CELF4: variants seen among roughly 807,000 people sequenced by gnomAD.
The protein encoded by CELF4 is CUGBP Elav-like family member 4.
In CELF4, 18 loss-of-function variants were observed where a neutral mutation model predicts 59.9. That is an observed-to-expected ratio of 0.30 (90% CI 0.21 to 0.45). The LOEUF (loss-of-function observed/expected upper bound fraction) is 0.45, where lower values mean the gene tolerates loss of function less well. Ranked by LOEUF, CELF4 falls within the 20% of genes least tolerant of loss-of-function variation. CELF4 has a pLI of 1.00. For missense variants in CELF4, 456 were observed against 689.0 expected (o/e 0.66, Z 3.79); for synonymous variants, 261 against 267.1 (o/e 0.98, Z 0.22).
intron 3 of CELF4, among the ~76,000 whole-genome samples, chr18:37,295,385 G>C (rs1312006167): frequency 3.3e-5 from 5 of 152,206 alleles, no homozygotes; most frequent in East Asian, 3.9e-4. Flanking sequence ...ATTATGGGTG[G>C]CAGGTAGATA....
At chr18:37,525,501 T>G (rs2099962846) in intron 1 of CELF4, among the ~76,000 whole-genome samples, 1 of 151,494 alleles carries the variant, frequency 6.6e-6, no homozygotes, top group Admixed American at 6.6e-5. Flanking sequence ...GTGGCTAGGT[T>G]TGCGCTGTAG....
chr18:37,434,814 C>T (rs1453611022), intron 2 of CELF4, among the ~76,000 whole-genome samples: 3 of 152,136 alleles, frequency 2.0e-5, no homozygotes, highest in African/African-American at 7.2e-5. Context: ...CCCAAGTCCT[C>T]CCAGTGTTTG....
chr18:37,398,319 G>A (rs1037709125), intron 2 of CELF4, among the ~76,000 whole-genome samples: 3 of 152,248 alleles, frequency 2.0e-5, no homozygotes, highest in Non-Finnish European at 2.9e-5. Flanking sequence ...TGAAAGTCCT[G>A]TCCTGGGAGG....
At chr18:37,421,959 C>T (rs533867435) in intron 2 of CELF4, among the ~76,000 whole-genome samples, 26 of 152,360 alleles carry the variant, frequency 1.7e-4, no homozygotes, top group Non-Finnish European at 2.9e-4. Flanking sequence ...TGAGCAAACA[C>T]GGAGAAAAGA....
intron 2 of CELF4, among the ~76,000 whole-genome samples, chr18:37,387,430 C>T (rs917861145): frequency 6.6e-6 from 1 of 152,222 alleles, no homozygotes; most frequent in Non-Finnish European, 1.5e-5. Context: ...CTTCCTTGAC[C>T]TCCAGCGCCC....
At chr18:37,267,679 A>G (rs933427590) in intron 8 of CELF4, among the ~76,000 whole-genome samples, 2 of 152,160 alleles carry the variant, frequency 1.3e-5, no homozygotes, top group African/African-American at 4.8e-5. Flanking sequence ...TAGTCTAGGG[A>G]GAGTGCCTCA....
intron 6 of CELF4, chr18:37,273,652 G>A (rs1041069019): frequency 1.2e-4 from 118 of 988,132 alleles, no homozygotes; most frequent in Non-Finnish European, 1.4e-4. Context: ...GTGCGGACAG[G>A]GGAGGCTGCG....
intron 1 of CELF4, among the ~76,000 whole-genome samples, chr18:37,556,375 A>G (rs1414047240): frequency 6.6e-6 from 1 of 152,210 alleles, no homozygotes; most frequent in Non-Finnish European, 1.5e-5. Context: ...AAGTTTACTG[A>G]GCTCAGGGTC....
At chr18:37,520,531 C>T (rs1449048669) in intron 1 of CELF4, among the ~76,000 whole-genome samples, 1 of 150,024 alleles carries the variant, frequency 6.7e-6, no homozygotes, top group Non-Finnish European at 1.5e-5. Context: ...TCGGGTTGCT[C>T]TCTGGAAAAA....
At chr18:37,336,409 C>A (rs2097772304) in intron 2 of CELF4, among the ~76,000 whole-genome samples, 1 of 152,168 alleles carries the variant, frequency 6.6e-6, no homozygotes, top group South Asian at 2.1e-4. Context: ...GTCTTGAACT[C>A]CTGGGCTCAA....
At chr18:37,259,594 AC>A (rs541967162) in intron 10 of CELF4, among the ~76,000 whole-genome samples, 49 of 152,256 alleles carry the variant, frequency 3.2e-4, no homozygotes, top group African/African-American at 1.2e-3. Context: ...GTCTCTGGAA[AC>A]CAGGTGCTGA....
At chr18:37,528,388 T>C (rs895396342) in intron 1 of CELF4, among the ~76,000 whole-genome samples, 1 of 152,142 alleles carries the variant, frequency 6.6e-6, no homozygotes, top group Non-Finnish European at 1.5e-5. Flanking sequence ...TGTGTGTGGT[T>C]TGTAATAAAA....
chr18:37,493,447 C>A (rs987541869), intron 1 of CELF4, among the ~76,000 whole-genome samples: 3 of 152,200 alleles, frequency 2.0e-5, no homozygotes, highest in Non-Finnish European at 4.4e-5. Context: ...CCCCCTTTCC[C>A]CCAGTGGCAG....
chr18:37,434,010 G>A (rs2099680162), intron 2 of CELF4, among the ~76,000 whole-genome samples: 1 of 152,202 alleles, frequency 6.6e-6, no homozygotes, highest in South Asian at 2.1e-4. Flanking sequence ...AATCTTAGTT[G>A]AGTGCTCCCT....
At chr18:37,270,976 G>C (rs1304820934) in intron 7 of CELF4, 59 bp from the exon 8 acceptor site, 30 of 1,439,228 alleles carry the variant, frequency 2.1e-5, no homozygotes, top group Non-Finnish European at 2.8e-5. Flanking sequence ...ACAAAGGTGA[G>C]GAAGGCCCAC....
intron 2 of CELF4, among the ~76,000 whole-genome samples, chr18:37,354,420 G>A (rs1412176218): frequency 6.6e-6 from 1 of 152,120 alleles, no homozygotes; most frequent in Non-Finnish European, 1.5e-5. Context: ...GGGCTTTTCT[G>A]TCCCAATCTG....
intron 3 of CELF4, among the ~76,000 whole-genome samples, chr18:37,294,655 T>C (rs903985951): frequency 6.6e-6 from 1 of 152,218 alleles, no homozygotes; most frequent in Non-Finnish European, 1.5e-5. Context: ...GAATCCAGCC[T>C]CTTCACCTTT....
At chr18:37,285,044 A>G (rs1368384111) in intron 3 of CELF4, among the ~76,000 whole-genome samples, 1 of 152,162 alleles carries the variant, frequency 6.6e-6, no homozygotes, top group African/African-American at 2.4e-5. Context: ...AAAATGCCCA[A>G]TAACCACATT....
chr18:37,243,167 CTTTTTTTTTTCTTTTTTTCTTTTTT>C lies in CELF4; in HGVS notation c.*2050_*2074del, dbSNP rs1378268727. The C allele has an allele frequency of 4.3e-5, 5 of 115,670 alleles. No homozygotes were observed. The highest frequency in any genetic ancestry group is 1.5e-4 in the African/African-American group (5 of 34,130). The allele number at this position is 115,670 out of a possible 1,614,324, so 7.2% of individuals were successfully genotyped here. On this transcript the variant is annotated 3_prime_UTR_variant, in exon 13 of 13. Coordinates refer to ENST00000420428, the MANE Select transcript of CELF4 (RefSeq NM_020180.4). ...AGTTGTACTGAACTGCAGCTGTTTTCTTTTTTTTTTCTTTTTTTCTTTTTTTTTTTTTTTTTTTTACATCTGGACA... is the reference window on the plus strand; with the variant it reads ...AGTTGTACTGAACTGCAGCTGTTTTCTTTTTTTTTTTTTTACATCTGGACA...
Sources: allele counts gnomAD v4.1 joint callset (sites outside exome capture counted in the v4.1 genomes callset), GRCh38; gene constraint gnomAD v4.1.1; transcripts MANE v1.5; gene names NCBI Gene and HGNC (gene_info 2026-07-23, HGNC 2026-07-21).